Variants in ROR1 observed in about 807,000 individuals in gnomAD.
ROR1 encodes the protein inactive tyrosine-protein kinase transmembrane receptor ROR1.
In ROR1, 19 loss-of-function variants were observed where a neutral mutation model predicts 78.8. The ratio of observed to expected loss-of-function variants is 0.24; its 90% confidence interval spans 0.17 to 0.35. ROR1 has a LOEUF of 0.35. ROR1 is among the 10% of genes least tolerant of loss of function. The pLI is 1.00. For synonymous variants in ROR1, 386 were observed against 433.6 expected (o/e 0.89, Z 1.36); for missense variants, 917 against 1,177.8 (o/e 0.78, Z 3.24).
At chr1:64,124,137 C>T (rs1216549885) in intron 4 of ROR1, among the ~76,000 whole-genome samples, 1 of 152,154 alleles carries the variant, frequency 6.6e-6, no homozygotes, top group Non-Finnish European at 1.5e-5. Flanking sequence ...ATATATGCTA[C>T]ATATTAACCT....
chr1:63,990,029 C>T (rs1319578252), intron 1 of ROR1, among the ~76,000 whole-genome samples: 2 of 152,122 alleles, frequency 1.3e-5, no homozygotes, highest in Non-Finnish European at 2.9e-5. Flanking sequence ...TTTTTCTCTC[C>T]TGTCAGCTCC....
intron 1 of ROR1, among the ~76,000 whole-genome samples, chr1:63,794,945 G>A (rs1644751030): frequency 6.6e-6 from 1 of 152,170 alleles, no homozygotes; most frequent in Admixed American, 6.5e-5. Flanking sequence ...ATAATAACCG[G>A]AGGAATTAGA....
In ROR1 at chr1:64,177,480, G is replaced by C. The variant is rs1254849622; in HGVS notation, c.1439G>C (p.Gly480Ala). 6.2e-7 allele frequency: 1 copy of C among 1,614,164 alleles called. No homozygotes were observed. Among genetic ancestry groups the C allele is most frequent in the Non-Finnish European group, 8.5e-7 (1 of 1,180,028 alleles). ...GCTGTACGCTTTATGGAAGAATTGG[G>C]TGAGTGTGCCTTTGGAAAAATCTAT... ...LSAVRFMEEL[G>A]ECAFGKIYKG... is the part of the protein sequence containing the mutation. Residue 480 changes from glycine to alanine, a missense_variant, in exon 9 of 9, where the codon GGT (glycine) becomes GCT (alanine). Transcript: ENST00000371079.
intron 6 of ROR1, 49 bp from the exon 7 acceptor site, chr1:64,142,356 C>G (rs1293385341): frequency 6.2e-7 from 1 of 1,605,082 alleles, no homozygotes; most frequent in Non-Finnish European, 8.5e-7. Flanking sequence ...AGAGCTCCAG[C>G]ATCTCCTATG....
intron 1 of ROR1, among the ~76,000 whole-genome samples, chr1:63,848,657 G>A (rs600656): frequency 0.17 from 25,475 of 151,990 alleles, 4,545 homozygotes; most frequent in African/African-American, 0.45. Context: ...AGATGAATGT[G>A]CCATGCATCT....
chr1:63,972,000 T>G (rs1646123280), intron 1 of ROR1, among the ~76,000 whole-genome samples: 2 of 152,176 alleles, frequency 1.3e-5, no homozygotes, highest in Admixed American at 1.3e-4. Flanking sequence ...ACCCTTTCTT[T>G]TGCTTAGAAT....
At chr1:64,128,166 A>G (rs1401124464) in intron 4 of ROR1, among the ~76,000 whole-genome samples, 1 of 151,696 alleles carries the variant, frequency 6.6e-6, no homozygotes, top group East Asian at 1.9e-4. Flanking sequence ...AACTAAATGC[A>G]TGGGGAGGCC....
intron 1 of ROR1, among the ~76,000 whole-genome samples, chr1:63,799,815 TTAAA>T (rs1418951539): frequency 1.3e-5 from 2 of 152,212 alleles, no homozygotes; most frequent in Admixed American, 1.3e-4. Flanking sequence ...GAGACACTCA[TTAAA>T]TATTTGTCAA....
At chr1:63,950,652 C>T (rs1164466565) in intron 1 of ROR1, among the ~76,000 whole-genome samples, 2 of 152,186 alleles carry the variant, frequency 1.3e-5, no homozygotes, top group African/African-American at 4.8e-5. Flanking sequence ...TCATTTTACC[C>T]AATGCCTATT....
intron 1 of ROR1, among the ~76,000 whole-genome samples, chr1:63,963,356 TC>T (rs1282520051): frequency 1.5e-5 from 2 of 130,844 alleles, no homozygotes; most frequent in African/African-American, 7.8e-5. Flanking sequence ...TCACCTGAGG[TC>T]GGGAGTTTGA....
intron 1 of ROR1, among the ~76,000 whole-genome samples, chr1:63,807,570 A>G (rs1210603298): frequency 6.6e-6 from 1 of 152,198 alleles, no homozygotes; most frequent in Non-Finnish European, 1.5e-5. Flanking sequence ...TGGCTGTCCC[A>G]GGCTTTAGAG....
At chr1:63,851,002 A>G (rs1645110682) in intron 1 of ROR1, among the ~76,000 whole-genome samples, 1 of 151,754 alleles carries the variant, frequency 6.6e-6, no homozygotes, top group South Asian at 2.1e-4. Context: ...TTTGTTTGAG[A>G]CAGAATCTTG....
At chr1:63,837,513 T>A (rs1474511335) in intron 1 of ROR1, among the ~76,000 whole-genome samples, 1 of 152,178 alleles carries the variant, frequency 6.6e-6, no homozygotes, top group Non-Finnish European at 1.5e-5. Flanking sequence ...TTGGATAACC[T>A]TTTCTGAAAA....
intron 1 of ROR1, among the ~76,000 whole-genome samples, chr1:63,991,278 G>C (rs1646294116): frequency 6.6e-6 from 1 of 152,090 alleles, no homozygotes; most frequent in Non-Finnish European, 1.5e-5. Context: ...TAAAGGACTG[G>C]TAGATTTACT....
At chr1:63,792,402 C>T (rs1644732482) in intron 1 of ROR1, among the ~76,000 whole-genome samples, 1 of 152,124 alleles carries the variant, frequency 6.6e-6, no homozygotes, top group Admixed American at 6.5e-5. Flanking sequence ...ATTCTTAGAA[C>T]AAACCAAGCA....
intron 1 of ROR1, among the ~76,000 whole-genome samples, chr1:63,968,437 A>G (rs1330509118): frequency 1.3e-5 from 2 of 148,344 alleles, no homozygotes; most frequent in South Asian, 2.1e-4. Flanking sequence ...ATCATGAAAT[A>G]TTTTTATTCT....
intron 1 of ROR1, among the ~76,000 whole-genome samples, chr1:63,803,002 C>A (rs574654946): frequency 2.0e-5 from 3 of 152,286 alleles, no homozygotes; most frequent in African/African-American, 7.2e-5. Flanking sequence ...TGATATTTTG[C>A]ACTCTTCTTT....
Position 64,035,054 on chromosome 1 carries a change from A to C in ROR1, c.164-14637A>C, listed in dbSNP as rs188035680. Among the ~76,000 whole-genome samples, 540 of 152,284 alleles carry C rather than the reference A, an allele frequency of 3.5e-3. 4 individuals carry two copies. Among genetic ancestry groups the C allele is most frequent in the African/African-American group, 0.013 (524 of 41,562 alleles). ...GGAATTGGTGTGGGAGTTCAGTGGCAATATTTTCATATGTTTTTCAAATCA... is the reference window on the plus strand; with the variant it reads ...GGAATTGGTGTGGGAGTTCAGTGGCCATATTTTCATATGTTTTTCAAATCA... On this transcript the variant is annotated intron_variant, in intron 2 of 8. Coordinates refer to ENST00000371079, the MANE Select transcript of ROR1 (RefSeq NM_005012.4).
At chr1:64,110,090 C>G (rs1557656596) in intron 4 of ROR1, among the ~76,000 whole-genome samples, 1 of 152,106 alleles carries the variant, frequency 6.6e-6, no homozygotes, top group African/African-American at 2.4e-5. Context: ...TCCATGAGGC[C>G]AGGTATTGTC....
Sources: gnomAD v4.1 joint callset for allele counts (sites outside exome capture counted in the v4.1 genomes callset) on GRCh38, gnomAD v4.1.1 for gene constraint, MANE v1.5 for transcripts, NCBI Gene and HGNC (gene_info 2026-07-23, HGNC 2026-07-21) for gene names.